The following NEMP2 variants were observed in gnomAD, a reference collection of about 807,000 sequenced individuals.
NEMP2 encodes UPF0571 transmembrane protein.
A neutral mutation model predicts 54.2 loss-of-function variants in NEMP2; 53 were observed. That is an observed-to-expected ratio of 0.98 (90% CI 0.78 to 1.23). The LOEUF (loss-of-function observed/expected upper bound fraction) is 1.23. Among genes scored for constraint, NEMP2 ranks in the 50% most tolerant of loss-of-function variants. The pLI is 0.00. For synonymous variants in NEMP2, 197 were observed against 190.3 expected, an observed-to-expected ratio of 1.04 and a Z score of -0.29; for missense variants, 455 against 511.3, an observed-to-expected ratio of 0.89 and a Z score of 1.06.
chr2:190,511,273 C>T (rs900790525), intron 7 of NEMP2, among the ~76,000 whole-genome samples: 1 of 151,992 alleles, frequency 6.6e-6, no homozygotes, highest in African/African-American at 2.4e-5. Flanking sequence ...ACTCTCCACA[C>T]CAAGAACCTG....
the NEMP2 span, among the ~76,000 whole-genome samples, chr2:190,452,079 T>G: frequency 6.7e-6 from 1 of 148,402 alleles, no homozygotes; most frequent in Admixed American, 6.7e-5. Flanking sequence ...AAGTTTTTTG[T>G]TTTTTTTTTC....
the NEMP2 span, chr2:190,437,140 G>A: frequency 3.1e-6 from 5 of 1,614,130 alleles, no homozygotes; most frequent in African/African-American, 1.3e-5. This position sits in a 1 kb window ranked among gnomAD's most constrained non-coding sequence, Gnocchi z 5.9. Context: ...TTACCAGATC[G>A]TCTTCATCGT....
At position 190,530,051 on chromosome 2, in the gene NEMP2, A is replaced by G. The variant is rs974707041; in HGVS notation, c.97+4508T>C. Among the ~76,000 whole-genome samples, 2 of 152,190 alleles carry G rather than the reference A, an allele frequency of 1.3e-5. No homozygotes were observed. The highest frequency in any genetic ancestry group is 1.5e-5 in the Non-Finnish European group (1 of 68,026). On this transcript the variant is annotated intron_variant, in intron 1 of 8. Coordinates refer to ENST00000409150, the MANE Select transcript of NEMP2 (RefSeq NM_001142645.2). This position sits in a 1 kb window ranked among gnomAD's most constrained non-coding sequence, Gnocchi z 4.6. ...AGGTCAGAAAGAATAGGTGGCATTA[A>G]GCTTCTTTTGTTTGACTCATATATG...
intron 2 of NEMP2, among the ~76,000 whole-genome samples, chr2:190,524,593 C>G (rs1421536528): frequency 6.6e-6 from 1 of 152,198 alleles, no homozygotes; most frequent in African/African-American, 2.4e-5. Context: ...GTTACCTTCT[C>G]AACGAGAACT....
the NEMP2 span, among the ~76,000 whole-genome samples, chr2:190,633,055 C>A: frequency 6.6e-6 from 1 of 152,078 alleles, no homozygotes; most frequent in Non-Finnish European, 1.5e-5. Context: ...CAATGCCTTC[C>A]TATTTTTCCC....
the NEMP2 span, chr2:190,553,135 T>C: frequency 6.6e-6 from 1 of 152,270 alleles, no homozygotes; most frequent in South Asian, 2.1e-4. Flanking sequence ...ACAATTCTTA[T>C]TATTGTAGAG....
chr2:190,560,907 C>A, the NEMP2 span, among the ~76,000 whole-genome samples: 1 of 152,170 alleles, frequency 6.6e-6, no homozygotes, highest in South Asian at 2.1e-4. The surrounding 1 kb of genome is among the most constrained non-coding windows in gnomAD (Gnocchi z 5.4). Flanking sequence ...TATCAAAATA[C>A]TGTATTTGTT....
chr2:190,525,558 G>A lies in NEMP2; in HGVS notation c.98-180C>T, dbSNP rs996593678. On this transcript the variant is annotated intron_variant, in intron 1 of 8. Transcript: ENST00000409150. The surrounding 1 kb of genome is among the most constrained non-coding windows in gnomAD (Gnocchi z 5.0). The stretch of plus-strand genomic sequence containing the variant: ...CAAGGAGGAGACAGATAGAAAATAC[G>A]ATAGCCCAAGTGTCAATATTTATGA... 5.9e-5 allele frequency among the ~76,000 whole-genome samples: 9 copies of A among 152,034 alleles called. No individual in the cohort carries two copies. Among genetic ancestry groups the A allele is most frequent in the African/African-American group, 1.9e-4 (8 of 41,384 alleles).
At chr2:190,544,727 CAG>C in the NEMP2 span, among the ~76,000 whole-genome samples, 1 of 151,940 alleles carries the variant, frequency 6.6e-6, no homozygotes, top group African/African-American at 2.4e-5. Flanking sequence ...TGAACAAATA[CAG>C]TGCATCTAAG....
chr2:190,626,854 T>C, the NEMP2 span: 1 of 152,220 alleles, frequency 6.6e-6, no homozygotes, highest in Admixed American at 6.5e-5. This position sits in a 1 kb window ranked among gnomAD's most constrained non-coding sequence, Gnocchi z 4.5. Context: ...TACAGGATGA[T>C]GACGGTTTTT....
chr2:190,567,851 G>A, the NEMP2 span, among the ~76,000 whole-genome samples: 2 of 152,102 alleles, frequency 1.3e-5, no homozygotes, highest in Non-Finnish European at 2.9e-5. The surrounding 1 kb of genome is among the most constrained non-coding windows in gnomAD (Gnocchi z 4.0). Context: ...GTTTCACCAT[G>A]TTGGCCAGGA....
the NEMP2 span, among the ~76,000 whole-genome samples, chr2:190,579,340 G>T: frequency 1.3e-5 from 2 of 151,568 alleles, no homozygotes; most frequent in Non-Finnish European, 2.9e-5. Context: ...AATTAGAATT[G>T]TTCAAAACTA....
the NEMP2 span, among the ~76,000 whole-genome samples, chr2:190,577,127 G>A: frequency 1.3e-5 from 2 of 152,150 alleles, no homozygotes; most frequent in Admixed American, 6.5e-5. This position sits in a 1 kb window ranked among gnomAD's most constrained non-coding sequence, Gnocchi z 4.8. Flanking sequence ...AGATGACAGC[G>A]TTAGTGGGGA....
chr2:190,454,505 T>C, the NEMP2 span: 1 of 152,192 alleles, frequency 6.6e-6, no homozygotes, highest in African/African-American at 2.4e-5. This position sits in a 1 kb window ranked among gnomAD's most constrained non-coding sequence, Gnocchi z 4.6. Context: ...GAGAGCTTGC[T>C]TGTGTACGAC....
downstream of NEMP2, among the ~76,000 whole-genome samples, chr2:190,502,466 G>T (rs1246474423): frequency 6.6e-6 from 1 of 152,194 alleles, no homozygotes; most frequent in Non-Finnish European, 1.5e-5. This position sits in a 1 kb window ranked among gnomAD's most constrained non-coding sequence, Gnocchi z 4.4. Context: ...TGCTGAGCTT[G>T]TGTGGATCCA....
chr2:190,637,177 C>T, the NEMP2 span, among the ~76,000 whole-genome samples: 1 of 152,216 alleles, frequency 6.6e-6, no homozygotes, highest in Non-Finnish European at 1.5e-5. The surrounding 1 kb of genome is among the most constrained non-coding windows in gnomAD (Gnocchi z 4.5). Flanking sequence ...GTATAGTGTA[C>T]AGTAAGTACA....
the NEMP2 span, chr2:190,648,537 T>TTA: frequency 1.4e-3 from 204 of 145,170 alleles, no homozygotes; most frequent in African/African-American, 2.7e-3. Flanking sequence ...TTTTTTTTTT[T>TTA]TAAAGTCAGC....
chr2:190,573,470 G>A, the NEMP2 span, among the ~76,000 whole-genome samples: 23 of 152,164 alleles, frequency 1.5e-4, no homozygotes, highest in East Asian at 2.7e-3. Flanking sequence ...TCCCTTTGCC[G>A]TATGCCTGGT....
At chr2:190,489,720 A>G in the NEMP2 span, 7 of 1,536,960 alleles carry the variant, frequency 4.6e-6, no homozygotes, top group South Asian at 1.2e-5. The surrounding 1 kb of genome is among the most constrained non-coding windows in gnomAD (Gnocchi z 6.6). Flanking sequence ...GATGAGCGCT[A>G]TCTGCATTTC....
Sources: gnomAD v4.1 joint callset for allele counts (sites outside exome capture counted in the v4.1 genomes callset) on GRCh38, gnomAD v4.1.1 for gene constraint, Gnocchi (gnomAD v3.1) non-coding constraint, MANE v1.5 for transcripts, NCBI Gene and HGNC (gene_info 2026-07-23, HGNC 2026-07-21) for gene names.